MDN1: variants seen among roughly 807,000 people sequenced by gnomAD.
MDN1 encodes the protein midasin AAA ATPase 1.
Under a neutral mutation model 669.2 loss-of-function variants are expected in MDN1, and 266 were observed. The ratio of observed to expected loss-of-function variants is 0.40; its 90% CI spans 0.36 to 0.44. The LOEUF is 0.44. Among genes scored for constraint, MDN1 ranks in the 20% least tolerant of loss-of-function variants. MDN1 has a pLI of 1.00. For synonymous variants in MDN1, 2,385 were observed against 2,457.1 expected (o/e 0.97, Z 0.87); for missense variants, 5,940 against 6,754.0 (o/e 0.88, Z 4.22).
chr6:89,693,604 G>T (rs1378174208), intron 62 of MDN1, among the ~76,000 whole-genome samples: 1 of 152,054 alleles, frequency 6.6e-6, no homozygotes, highest in African/African-American at 2.4e-5. Flanking sequence ...GACACTTAAA[G>T]AAAATGCTCA....
intron 51 of MDN1, among the ~76,000 whole-genome samples, chr6:89,708,140 A>T (rs1301758227): frequency 6.6e-6 from 1 of 152,060 alleles, no homozygotes; most frequent in Non-Finnish European, 1.5e-5. Flanking sequence ...TGTCTCTACA[A>T]AAAAGTACAA....
At chr6:89,799,875 A>G (rs1400315357) in intron 2 of MDN1, among the ~76,000 whole-genome samples, 2 of 152,176 alleles carry the variant, frequency 1.3e-5, no homozygotes, top group African/African-American at 2.4e-5. Flanking sequence ...TTTCCGATGC[A>G]GTAAGAGCTA....
intron 5 of MDN1, among the ~76,000 whole-genome samples, chr6:89,793,475 G>A (rs1819388968): frequency 6.6e-6 from 1 of 152,236 alleles, no homozygotes; most frequent in Non-Finnish European, 1.5e-5. Flanking sequence ...CACTTTGGGA[G>A]ACTGAGGTGG....
intron 16 of MDN1, 126 bp downstream of exon 16, chr6:89,762,193 T>C (rs1333651581): frequency 1.3e-6 from 1 of 753,020 alleles, no homozygotes; most frequent in African/African-American, 1.7e-5. Flanking sequence ...TACTTCACAA[T>C]TAGTCACTTC....
At position 89,744,117 on chromosome 6, in the gene MDN1, A is replaced by AC. The variant is rs1198623483; in HGVS notation, c.4179-404_4179-403insG. Among the ~76,000 whole-genome samples, 40 of 145,334 alleles carry AC rather than the reference A, an allele frequency of 2.8e-4. 1 individual carries two copies. The South Asian group carries it at 3.8e-3, about 14-fold the overall frequency. ...GAATGCCTTCTTAAAAAAAAAAAAAAAAAAAAAAAAAAAACCACCACCAAG... is the reference window on the plus strand; with the variant it reads ...GAATGCCTTCTTAAAAAAAAAAAAAACAAAAAAAAAAAAAACCACCACCAAG... On this transcript the variant is annotated intron_variant, in intron 29 of 101. Coordinates refer to ENST00000369393, the MANE Select transcript of MDN1 (RefSeq NM_014611.3).
intron 1 of MDN1, among the ~76,000 whole-genome samples, chr6:89,812,942 A>T (rs948690230): frequency 5.5e-5 from 8 of 144,304 alleles, no homozygotes; most frequent in South Asian, 4.5e-4. Context: ...CTCTACAAAA[A>T]TTTTTTTTTT....
chr6:89,792,670 T>C lies in MDN1; in HGVS notation c.855+1092A>G, dbSNP rs562888222. 1.9e-4 allele frequency among the ~76,000 whole-genome samples: 26 copies of C among 140,280 alleles called. No homozygotes were observed. The South Asian group carries it at 6.0e-3, about 33-fold the overall frequency. The allele number at this position is 140,280 out of a possible 152,430, so 92.0% of individuals were successfully genotyped here. A position where few individuals can be genotyped will look rare whatever the true frequency, so the allele number is the denominator to read the frequency against. On this transcript the variant is annotated intron_variant, in intron 5 of 101. Coordinates refer to ENST00000369393, the MANE Select transcript of MDN1 (RefSeq NM_014611.3). ...GCATTTTCCTATATGTATATTACAT[T>C]TTAATTTTTTTTTTTTTTTACTACT...
intron 17 of MDN1, 37 bp from the exon 18 acceptor site, chr6:89,758,997 A>T: frequency 6.3e-7 from 1 of 1,591,862 alleles, no homozygotes; most frequent in Non-Finnish European, 8.6e-7. Flanking sequence ...ACAATGTGTC[A>T]AATAAAGGCA....
intron 15 of MDN1, among the ~76,000 whole-genome samples, chr6:89,770,852 A>T (rs1488913881): frequency 6.6e-6 from 1 of 152,182 alleles, no homozygotes; most frequent in Non-Finnish European, 1.5e-5. Flanking sequence ...ACATTAATTG[A>T]TTATATACTT....
chr6:89,710,650 G>C, intron 50 of MDN1, 31 bp downstream of exon 50: 2 of 1,301,296 alleles, frequency 1.5e-6, no homozygotes, highest in Non-Finnish European at 2.1e-6. Flanking sequence ...TTCCAAAACA[G>C]TGCTGAGAGC....
At position 89,803,365 on chromosome 6, in the gene MDN1, T is replaced by C. The variant is rs1767788656; in HGVS notation, c.292A>G (p.Met98Val). 3.1e-6 allele frequency: 5 copies of C among 1,614,060 alleles called. No individual in the cohort carries two copies. The highest frequency in any genetic ancestry group is 4.2e-6 in the Non-Finnish European group (5 of 1,180,046). The part of the protein sequence containing the change: ...HDLHERLCVS[M>V]SKLIGNHPDV... Reference sequence around the variant, plus strand: ...GGATGGTTACCAATGAGTTTGCTCATCGACACACATAGCCGTTCATGCAGA... The same window carrying C: ...GGATGGTTACCAATGAGTTTGCTCACCGACACACATAGCCGTTCATGCAGA... Residue 98 changes from methionine to valine, a missense_variant, in exon 2 of 102, where the codon ATG (methionine) becomes GTG (valine). Transcript: ENST00000369393.
In MDN1 at chr6:89,772,212, C is replaced by CA. The variant is rs576851267; in HGVS notation, c.2083+360dup. Among the ~76,000 whole-genome samples, 111 of 152,172 alleles carry CA rather than the reference C, an allele frequency of 7.3e-4. 1 individual carries two copies. The highest frequency in any genetic ancestry group is 2.6e-3 in the African/African-American group (108 of 41,514). On this transcript the variant is annotated intron_variant, in intron 14 of 101. Transcript: ENST00000369393. The stretch of plus-strand genomic sequence containing the variant: ...ACTTGAGCCTGGGAGGTCAAGGCTG[C>CA]AGTGAGCTGTGAGCTGTGGGCTCGC...
chr6:89,700,500 C>T, intron 56 of MDN1, 146 bp downstream of exon 56: 1 of 781,974 alleles, frequency 1.3e-6, no homozygotes, highest in Non-Finnish European at 2.0e-6. Flanking sequence ...GAAATTTAGT[C>T]CTATGCCTGA....
chr6:89,695,619 A>C lies in MDN1; in HGVS notation c.9757T>G (p.Tyr3253Asp). The change falls in exon 61 of 102, where the codon TAC (tyrosine) becomes GAC (aspartate). Residue 3253 changes from tyrosine to aspartate, a missense_variant. By Grantham distance (160) the Tyr-to-Asp change is radical. Transcript: ENST00000369393. This position sits in a 1 kb window ranked among gnomAD's most constrained non-coding sequence, Gnocchi z 4.1. ...PAVKREYKLNYVKEELHQLQC... is the reference protein window; with the variant it reads ...PAVKREYKLNDVKEELHQLQC... ...GCCTCCCATACCTCTTCCTTGACGT[A>C]ATTGAGCTTGTACTCCCTCTTCACC... 6.3e-7 allele frequency: 1 copy of C among 1,597,242 alleles called. No individual in the cohort carries two copies. Among genetic ancestry groups the C allele is most frequent in the Non-Finnish European group, 8.6e-7 (1 of 1,167,830 alleles).
In MDN1 at chr6:89,771,568, G is replaced by C. The variant is rs776133156; in HGVS notation, c.2137C>G (p.Leu713Val). Residue 713 changes from leucine (L) to valine (V), a missense_variant, in exon 15 of 102, where the codon CTT becomes GTT. This residue lies in a region of MDN1 where 1,203 missense variants were observed against 1,268.9 expected (regional missense o/e 0.95). Transcript: ENST00000369393. ...MNQQSDTADL[L>V]GGYKPVDHKL... is the part of the protein sequence containing the mutation. ...ATTTTAAGCCACACTTACCCTCCAAGCAAGTCTGCAGTATCACTTTGTTGA... is the reference window on the plus strand; with the variant it reads ...ATTTTAAGCCACACTTACCCTCCAACCAAGTCTGCAGTATCACTTTGTTGA... The C allele has an allele frequency of 9.9e-6, 16 of 1,613,080 alleles. No individual in the cohort carries two copies. In the Admixed American group the frequency reaches 1.8e-4, roughly 19 times the overall value.
rs1437237062 is a variant in MDN1 at position 89,774,831 on chromosome 6, A to G, written c.1822-98T>C. On this transcript the variant is annotated intron_variant, in intron 12 of 101. Coordinates refer to ENST00000369393, the MANE Select transcript of MDN1 (RefSeq NM_014611.3). ...TTTGGCCCTCAAATTAGCACTCTAC[A>G]AAGAATTATTCTCTACTTCCCAGAT... 2.0e-5 allele frequency: 15 copies of G among 755,970 alleles called. No homozygotes were observed. In the Admixed American group the frequency reaches 3.2e-4, roughly 16 times the overall value. 46.8% of individuals were successfully genotyped at this position (755,970 alleles called of 1,614,324 possible). A position where few individuals can be genotyped will look rare whatever the true frequency, so the allele number is the denominator to read the frequency against.
In MDN1 at chr6:89,648,143, A is replaced by C. The variant is rs1808603702; in HGVS notation, c.16284T>G (p.Phe5428Leu). The C allele has an allele frequency of 6.2e-7, 1 of 1,613,688 alleles. No homozygotes were observed. ...LEVGQIAVCS[F>L]GESVKLLHPF... ...GGTGTAACAGCTTTACAGATTCTCC[A>C]AAACTTGGGGGAGGAAAACCAAATA... The change falls in exon 99 of 102, where the codon TTT (phenylalanine) becomes TTG (leucine). Residue 5428 changes from phenylalanine (F) to leucine (L), a missense_variant. This residue lies in a region of MDN1 where 2,280 missense variants were observed against 2,576.3 expected (regional missense o/e 0.88). Coordinates refer to ENST00000369393, the MANE Select transcript of MDN1 (RefSeq NM_014611.3).
At chr6:89,785,474 T>C (rs964948157) in intron 8 of MDN1, among the ~76,000 whole-genome samples, 2 of 152,236 alleles carry the variant, frequency 1.3e-5, no homozygotes, top group Non-Finnish European at 2.9e-5. Flanking sequence ...CCAAGGCTCA[T>C]AGCATTAACA....
rs749884365 is a variant in MDN1 at position 89,727,934 on chromosome 6, C to T, written c.5371G>A (p.Ala1791Thr). The change falls in exon 37 of 102, where the codon GCA (alanine) becomes ACA (threonine). Residue 1791 changes from alanine to threonine, a missense_variant. This residue lies in a region of MDN1 where 2,292 missense variants were observed against 2,638.3 expected (regional missense o/e 0.87). Coordinates refer to ENST00000369393, the MANE Select transcript of MDN1 (RefSeq NM_014611.3). The stretch of plus-strand genomic sequence containing the variant: ...TTGCCACCTTCAACAGGTAGATCTG[C>T]TCCAAACAGGTCTGTGATGTCCTTT... ...EQTDITDLFG[A>T]DLPVEGGKGG... 3.1e-6 allele frequency: 5 copies of T among 1,613,762 alleles called. No individual in the cohort carries two copies. The South Asian group carries it at 5.5e-5, about 18-fold the overall frequency.
Sources: gnomAD v4.1 joint callset for allele counts (sites outside exome capture counted in the v4.1 genomes callset) on GRCh38, gnomAD v4.1.1 for gene constraint, gnomAD v4.1.1 regional missense constraint, Gnocchi (gnomAD v3.1) non-coding constraint, MANE v1.5 for transcripts, NCBI Gene and HGNC (gene_info 2026-07-23, HGNC 2026-07-21) for gene names.